The following TAF1 variants were observed in gnomAD, a reference collection of about 807,000 sequenced individuals.
TAF1 encodes the protein TATA-box binding protein associated factor 1, also known as transcription initiation factor TFIID subunit 1.
In TAF1, 2 loss-of-function variants were observed where a neutral mutation model predicts 138.5. That is an observed-to-expected ratio of 0.01 (90% CI 0.01 to 0.05). TAF1 has a LOEUF of 0.05. TAF1 is among the 10% of genes least tolerant of loss of function. TAF1 has a pLI of 1.00. For missense variants in TAF1, 709 were observed against 1,478.0 expected (o/e 0.48, Z 8.53); for synonymous variants, 437 against 503.2 (o/e 0.87, Z 1.76).
intron 37 of TAF1, 42 bp downstream of exon 37, chrX:71,460,845 C>T (rs1244780777): frequency 8.6e-7 from 1 of 1,164,330 alleles, no homozygotes; most frequent in Non-Finnish European, 1.1e-6. Context: ...GCATCAGTGC[C>T]CAGCTATGAT....
At chrX:71,445,745 G>C (rs1381841008) in intron 32 of TAF1, among the ~76,000 whole-genome samples, 1 of 111,816 alleles carries the variant, frequency 8.9e-6, no homozygotes, top group Non-Finnish European at 1.9e-5. Context: ...AATTTGGAGA[G>C]AATTGACATA....
At chrX:71,508,439 T>G (rs1209527088) in intron 13 of TAF1, among the ~76,000 whole-genome samples, 1 of 105,514 alleles carries the variant, frequency 9.5e-6, no homozygotes, top group African/African-American at 3.5e-5. Context: ...ATAATAACAA[T>G]AATGATAATA....
intron 29 of TAF1, 23 bp from the exon 30 acceptor site, chrX:71,423,094 G>C: frequency 8.3e-7 from 1 of 1,210,460 alleles, no homozygotes; most frequent in Non-Finnish European, 1.1e-6. Flanking sequence ...CCTCTGTCTT[G>C]GCTTTGCTTT....
At chrX:71,513,450 C>T (rs1414051765) in intron 13 of TAF1, among the ~76,000 whole-genome samples, 3 of 111,439 alleles carry the variant, frequency 2.7e-5, no homozygotes. Context: ...GTAGAAACAT[C>T]CAGATGAAGA....
intron 37 of TAF1, among the ~76,000 whole-genome samples, chrX:71,461,183 G>A (rs1226929620): frequency 9.0e-6 from 1 of 110,889 alleles, no homozygotes; most frequent in African/African-American, 3.3e-5. Flanking sequence ...TTACTAAGTA[G>A]GTACTATGGC....
chrX:71,415,033 G>A (rs1602595832), intron 28 of TAF1, among the ~76,000 whole-genome samples: 3 of 50,391 alleles, frequency 6.0e-5, no homozygotes, highest in African/African-American at 1.4e-4. Flanking sequence ...AAAAAAGAAA[G>A]AAAGAAAAAA....
At chrX:71,366,901 C>G (rs1235182303) in intron 1 of TAF1, among the ~76,000 whole-genome samples, 1 of 111,778 alleles carries the variant, frequency 8.9e-6, no homozygotes, top group Non-Finnish European at 1.9e-5. Context: ...GGACCTGCCT[C>G]CCGCTCGTTT....
intron 26 of TAF1, among the ~76,000 whole-genome samples, 170 bp downstream of exon 26, chrX:71,406,916 A>ATT (rs878982877): frequency 1.3e-4 from 12 of 95,590 alleles, no homozygotes; most frequent in East Asian, 6.4e-4. Flanking sequence ...GAGAAAGTGG[A>ATT]TTTTTTTTTT....
chrX:71,479,547 G>A (rs777583124), intron 13 of TAF1, among the ~76,000 whole-genome samples: 1 of 111,395 alleles, frequency 9.0e-6, no homozygotes, highest in African/African-American at 3.3e-5. Flanking sequence ...ACTCCAGTCT[G>A]GGTGATGGAG....
intron 24 of TAF1, among the ~76,000 whole-genome samples, chrX:71,399,508 C>T (rs1195111709): frequency 9.6e-6 from 1 of 104,312 alleles, no homozygotes; most frequent in Non-Finnish European, 2.0e-5. Flanking sequence ...TACCAGCCTC[C>T]ACCTCCCAAA....
At chrX:71,460,584 A>T in intron 36 of TAF1, 42 bp from the exon 37 acceptor site, 1 of 1,196,561 alleles carries the variant, frequency 8.4e-7, no homozygotes. Context: ...TAAATCTGTC[A>T]AGCTTAACTC....
intron 32 of TAF1, among the ~76,000 whole-genome samples, chrX:71,447,007 A>AG (rs2037723827): frequency 8.9e-6 from 1 of 112,314 alleles, no homozygotes; most frequent in Non-Finnish European, 1.9e-5. Flanking sequence ...ATAAATATCT[A>AG]AGAATTGCAA....
Position 71,516,186 on chromosome X carries a change from C to T in TAF1, c.1367-12356C>T, listed in dbSNP as rs996187444. 2.8e-4 allele frequency among the ~76,000 whole-genome samples: 30 copies of T among 108,011 alleles called. 1 individual carries two copies. Among genetic ancestry groups the T allele is most frequent in the Non-Finnish European group, 4.6e-4 (24 of 52,269 alleles). 93.8% of individuals were successfully genotyped at this position (108,011 alleles called of 115,157 possible). On this transcript the variant is annotated intron_variant and NMD_transcript_variant, in intron 13 of 14. Transcript: ENST00000373775. The stretch of plus-strand genomic sequence containing the variant: ...AGGTGATCCTCCCACCTTAGCCTCC[C>T]GAGTAGCTGGAACTATAGGTTCGGG...
At chrX:71,377,348 T>A (rs1201385219) in intron 5 of TAF1, among the ~76,000 whole-genome samples, 157 bp downstream of exon 5, 1 of 111,912 alleles carries the variant, frequency 8.9e-6, no homozygotes, top group Non-Finnish European at 1.9e-5. Flanking sequence ...GTCTTTTTTT[T>A]AAAGTTGTAT....
intron 34 of TAF1, among the ~76,000 whole-genome samples, chrX:71,456,960 G>A (rs1276556444): frequency 1.8e-5 from 2 of 110,958 alleles, no homozygotes; most frequent in Non-Finnish European, 3.8e-5. Flanking sequence ...GAGCCACCGC[G>A]CCCGGCCCAA....
intron 26 of TAF1, 43 bp downstream of exon 26, chrX:71,406,789 T>C (rs778173539): frequency 5.1e-5 from 56 of 1,091,315 alleles, no homozygotes; most frequent in Non-Finnish European, 6.7e-5. Flanking sequence ...TAGGTTATCA[T>C]TGATTCCCCA....
chrX:71,491,696 C>T (rs1413866426), intron 13 of TAF1: 2 of 97,299 alleles, frequency 2.1e-5, no homozygotes, highest in Non-Finnish European at 4.1e-5. Flanking sequence ...GAGTCTCGCT[C>T]TGTCGCCCAG....
intron 13 of TAF1, among the ~76,000 whole-genome samples, chrX:71,504,538 T>C (rs1337363316): frequency 9.2e-6 from 1 of 108,215 alleles, no homozygotes; most frequent in African/African-American, 3.4e-5. Flanking sequence ...ACCCTATTGT[T>C]GCTTAATTAG....
chrX:71,410,454 CTTTT>C (rs57027102), intron 28 of TAF1, among the ~76,000 whole-genome samples: 736 of 70,593 alleles, frequency 0.01, 6 homozygotes, highest in Middle Eastern at 0.025. Context: ...TTTCTTTTTT[CTTTT>C]TTTTTTTTTT....
Sources: allele counts gnomAD v4.1 joint callset (sites outside exome capture counted in the v4.1 genomes callset), GRCh38; gene constraint gnomAD v4.1.1; transcripts MANE v1.5; gene names NCBI Gene and HGNC (gene_info 2026-07-23, HGNC 2026-07-21).